DACH1: variants seen among roughly 807,000 people sequenced by gnomAD.
The protein encoded by DACH1 is dachshund homolog 1.
DACH1 carries 12 observed loss-of-function variants against 54.2 expected under a neutral mutation model. The ratio of observed to expected loss-of-function variants is 0.22; its 90% CI spans 0.14 to 0.36. DACH1 has a LOEUF of 0.36. Ranked by LOEUF, DACH1 falls within the 10% of genes least tolerant of loss-of-function variation. The pLI is 1.00. For missense variants in DACH1, 805 were observed against 929.8 expected, an observed-to-expected ratio of 0.87 and a Z score of 1.75; for synonymous variants, 386 against 366.2, an observed-to-expected ratio of 1.05 and a Z score of -0.62.
intron 6 of DACH1, among the ~76,000 whole-genome samples, chr13:71,509,628 A>G (rs1880608722): frequency 6.6e-6 from 1 of 152,072 alleles, no homozygotes; most frequent in African/African-American, 2.4e-5. Flanking sequence ...TATGGGTCCT[A>G]GAGCTGGTTT....
In DACH1 at chr13:71,496,246, C is replaced by CA. The variant is rs553634943; in HGVS notation, c.1571-7099dup. Among the ~76,000 whole-genome samples the CA allele has an allele frequency of 3.2e-4, 18 of 56,920 alleles. 1 individual carries two copies. The South Asian group carries it at 4.3e-3, about 14-fold the overall frequency. The allele number at this position is 56,920 out of a possible 152,430, so 37.3% of individuals were successfully genotyped here. A position where few individuals can be genotyped will look rare whatever the true frequency, so the allele number is the denominator to read the frequency against. On this transcript the variant is annotated intron_variant, in intron 6 of 10. Transcript: ENST00000613252. ...CAGCAAGACTTTGTCTCCCAAAAAACAAAAAAATTGCTATGTATATATATA... is the reference window on the plus strand; with the variant it reads ...CAGCAAGACTTTGTCTCCCAAAAAACAAAAAAAATTGCTATGTATATATATA...
rs141807785 is a variant in DACH1 at position 71,780,204 on chromosome 13, A to G, written c.848+85718T>C. Among the ~76,000 whole-genome samples the G allele has an allele frequency of 6.3e-3, 961 of 152,292 alleles. 13 individuals carry two copies. Among genetic ancestry groups the G allele is most frequent in the African/African-American group, 0.022 (903 of 41,558 alleles). On this transcript the variant is annotated intron_variant, in intron 1 of 10. Coordinates refer to ENST00000613252, the MANE Select transcript of DACH1 (RefSeq NM_080759.6). ...GGGAGAGGCTTCCAGATAAAAAAGC[A>G]TACACAAAGACTGAAAAGTTAGAAA...
intron 1 of DACH1, among the ~76,000 whole-genome samples, chr13:71,765,024 A>G (rs183771602): frequency 1.5e-4 from 23 of 152,284 alleles, no homozygotes; most frequent in African/African-American, 5.3e-4. Flanking sequence ...ATACCCAGAA[A>G]GTTCCATTCA....
At chr13:71,656,921 C>CATATATATATATAT (rs71123235) in intron 2 of DACH1, among the ~76,000 whole-genome samples, 3,664 of 83,084 alleles carry the variant, frequency 0.044, 158 homozygotes, top group Non-Finnish European at 0.06. Flanking sequence ...GTTCTTCTTT[C>CATATATATATATAT]ATATATATAT....
At chr13:71,707,613 A>G (rs1353318631) in intron 1 of DACH1, among the ~76,000 whole-genome samples, 1 of 152,230 alleles carries the variant, frequency 6.6e-6, no homozygotes, top group East Asian at 1.9e-4. Flanking sequence ...AGGCTCTTAC[A>G]TCTAGAGAAG....
intron 6 of DACH1, among the ~76,000 whole-genome samples, chr13:71,513,345 G>T (rs988600005): frequency 6.6e-6 from 1 of 151,828 alleles, no homozygotes; most frequent in Non-Finnish European, 1.5e-5. Flanking sequence ...AATTAATGAG[G>T]TTTGATTGTA....
chr13:71,777,136 G>C (rs1301301787), intron 1 of DACH1, among the ~76,000 whole-genome samples: 2 of 152,104 alleles, frequency 1.3e-5, no homozygotes, highest in Admixed American at 6.6e-5. Context: ...TTTCAGATGA[G>C]TTCCTTAAAA....
intron 1 of DACH1, among the ~76,000 whole-genome samples, chr13:71,784,239 A>G (rs980851116): frequency 2.0e-5 from 3 of 152,114 alleles, no homozygotes; most frequent in East Asian, 1.9e-4. Flanking sequence ...TCTAACTTCT[A>G]GAACTTCTAT....
chr13:71,707,762 G>C (rs1882518373), intron 1 of DACH1, among the ~76,000 whole-genome samples: 1 of 152,080 alleles, frequency 6.6e-6, no homozygotes, highest in South Asian at 2.1e-4. Context: ...TAAAGTTGGA[G>C]AAAAAGACTA....
At chr13:71,792,845 G>A (rs1164105878) in intron 1 of DACH1, among the ~76,000 whole-genome samples, 1 of 152,100 alleles carries the variant, frequency 6.6e-6, no homozygotes, top group East Asian at 1.9e-4. Flanking sequence ...CTAGAGCTAG[G>A]AGCACCTACA....
chr13:71,699,307 T>G (rs2138744911), intron 1 of DACH1, among the ~76,000 whole-genome samples: 1 of 152,328 alleles, frequency 6.6e-6, no homozygotes, highest in South Asian at 2.1e-4. Flanking sequence ...AACTACATTT[T>G]AAAATCTCTC....
intron 4 of DACH1, among the ~76,000 whole-genome samples, chr13:71,560,937 TATAA>T (rs1207272992): frequency 6.6e-6 from 1 of 152,130 alleles, no homozygotes; most frequent in East Asian, 1.9e-4. Flanking sequence ...ATAATGTACT[TATAA>T]ATAATTAGTA....
chr13:71,776,164 T>G (rs1886056738), intron 1 of DACH1, among the ~76,000 whole-genome samples: 1 of 152,174 alleles, frequency 6.6e-6, no homozygotes, highest in African/African-American at 2.4e-5. Flanking sequence ...AAAGTCACTA[T>G]TACACTATAA....
At chr13:71,596,243 T>C (rs1481017638) in intron 3 of DACH1, among the ~76,000 whole-genome samples, 2 of 152,184 alleles carry the variant, frequency 1.3e-5, no homozygotes, top group African/African-American at 4.8e-5. Flanking sequence ...ACTATTCCCT[T>C]GTTTTCAGGA....
chr13:71,597,980 T>A (rs1874221893), intron 3 of DACH1, among the ~76,000 whole-genome samples: 1 of 149,134 alleles, frequency 6.7e-6, no homozygotes. Flanking sequence ...TATGGGAGGC[T>A]GAGGTGGGAG....
intron 4 of DACH1, among the ~76,000 whole-genome samples, chr13:71,565,391 A>T (rs1884840204): frequency 6.6e-6 from 1 of 152,144 alleles, no homozygotes. Flanking sequence ...ATTAAACAAA[A>T]CTGACAAAAA....
At chr13:71,590,927 G>GGTT (rs1873667412) in intron 3 of DACH1, among the ~76,000 whole-genome samples, 3 of 145,814 alleles carry the variant, frequency 2.1e-5, no homozygotes, top group Non-Finnish European at 4.5e-5. Flanking sequence ...CAACCAGGCG[G>GGTT]GAGTGCAGGG....
chr13:71,678,341 T>C lies in DACH1; in HGVS notation c.964+3454A>G, dbSNP rs369266888. Among the ~76,000 whole-genome samples the C allele has an allele frequency of 2.6e-5, 4 of 152,312 alleles. No homozygotes were observed. The East Asian group carries it at 5.8e-4, about 22-fold the overall frequency. On this transcript the variant is annotated intron_variant, in intron 2 of 10. Transcript: ENST00000613252. ...CAGTAAAGATATGTTCCCCAGTATA[T>C]GAAGGCATTACTCTGTATTCCCTAA...
At chr13:71,858,295 C>A (rs540921948) in intron 1 of DACH1, among the ~76,000 whole-genome samples, 1 of 151,590 alleles carries the variant, frequency 6.6e-6, no homozygotes, top group Non-Finnish European at 1.5e-5. Context: ...ACACTTGATA[C>A]CATACAAATT....
Sources: gnomAD v4.1 joint callset for allele counts (sites outside exome capture counted in the v4.1 genomes callset) on GRCh38, gnomAD v4.1.1 for gene constraint, MANE v1.5 for transcripts, NCBI Gene and HGNC (gene_info 2026-07-23, HGNC 2026-07-21) for gene names.